The following IL34 variants were observed in gnomAD, a reference collection of about 807,000 sequenced individuals.
The protein encoded by IL34 is interleukin 34.
A neutral mutation model predicts 25.3 loss-of-function variants in IL34; 17 were observed. The observed-to-expected ratio is 0.67, with a 90% CI of 0.46 to 1.01. The LOEUF is 1.01. Ranked by LOEUF, IL34 falls within the 50% of genes least tolerant of loss-of-function variation. The probability of loss-of-function intolerance (pLI) is 0.00; values close to 1 mark genes in which losing one functional copy is unlikely to be tolerated. For missense variants in IL34, 368 were observed against 312.9 expected (o/e 1.18, Z -1.33); for synonymous variants, 174 against 140.9 (o/e 1.23, Z -1.66).
chr16:70,624,223 G>C (rs1007778652), intron 1 of IL34, among the ~76,000 whole-genome samples: 6 of 151,908 alleles, frequency 3.9e-5, no homozygotes, highest in African/African-American at 1.5e-4. Flanking sequence ...TGGCCCAGTG[G>C]CCAGATTTCC....
intron 1 of IL34, among the ~76,000 whole-genome samples, chr16:70,649,156 T>G (rs1315802795): frequency 6.6e-6 from 1 of 152,148 alleles, no homozygotes; most frequent in Non-Finnish European, 1.5e-5. Context: ...TAGGAGAGAA[T>G]TCAAGGCAAG....
intron 1 of IL34, among the ~76,000 whole-genome samples, chr16:70,580,993 C>T (rs1020803768): frequency 2.0e-5 from 3 of 150,984 alleles, no homozygotes; most frequent in African/African-American, 4.9e-5. Flanking sequence ...GTCACTGCAT[C>T]CTCTGCCTCC....
chr16:70,616,063 CT>C (rs1296007015), intron 1 of IL34, among the ~76,000 whole-genome samples: 1 of 152,178 alleles, frequency 6.6e-6, no homozygotes, highest in Non-Finnish European at 1.5e-5. Flanking sequence ...CATTCAGTGT[CT>C]TGCTTGTTTT....
At chr16:70,654,434 G>T in intron 1 of IL34, 104 bp from the exon 2 acceptor site, 2 of 1,440,170 alleles carry the variant, frequency 1.4e-6, no homozygotes, top group Non-Finnish European at 1.9e-6. Context: ...ATTGGTGCTT[G>T]TCTCCTATGC....
chr16:70,619,160 C>T (rs934663772), intron 1 of IL34, among the ~76,000 whole-genome samples: 1 of 152,136 alleles, frequency 6.6e-6, no homozygotes, highest in Non-Finnish European at 1.5e-5. Context: ...CATGCTGTAG[C>T]AGACGAGTGA....
chr16:70,608,618 C>T (rs75887910), intron 1 of IL34, among the ~76,000 whole-genome samples: 3 of 152,266 alleles, frequency 2.0e-5, no homozygotes, highest in African/African-American at 7.2e-5. Flanking sequence ...GGGCTGACCT[C>T]CAGACACTAT....
At chr16:70,649,781 G>C (rs1242216128) in intron 1 of IL34, among the ~76,000 whole-genome samples, 1 of 145,432 alleles carries the variant, frequency 6.9e-6, no homozygotes, top group African/African-American at 2.7e-5. Flanking sequence ...CTGTCTTGCA[G>C]GTTGTTTTAT....
intron 1 of IL34, among the ~76,000 whole-genome samples, chr16:70,636,029 C>CTTTTT (rs112235542): frequency 3.6e-5 from 5 of 139,942 alleles, no homozygotes; most frequent in African/African-American, 1.3e-4. Flanking sequence ...GGGTCTGTAT[C>CTTTTT]TTTTTTTTTT....
intron 1 of IL34, among the ~76,000 whole-genome samples, chr16:70,653,120 C>T (rs541144259): frequency 2.7e-4 from 41 of 151,688 alleles, no homozygotes; most frequent in Non-Finnish European, 5.3e-4. Context: ...GCCTGAGGCA[C>T]GAGAATTGCT....
intron 1 of IL34, among the ~76,000 whole-genome samples, chr16:70,620,797 A>C (rs1209156775): frequency 6.6e-6 from 1 of 152,158 alleles, no homozygotes; most frequent in Non-Finnish European, 1.5e-5. Context: ...TTGTATTGGG[A>C]TCAAGGGGCA....
chr16:70,628,044 T>G (rs2051434545), intron 1 of IL34, among the ~76,000 whole-genome samples: 1 of 152,258 alleles, frequency 6.6e-6, no homozygotes, highest in Non-Finnish European at 1.5e-5. Flanking sequence ...TGTGACAATT[T>G]ACCTTCCTTC....
At chr16:70,620,608 G>A (rs2051260958) in intron 1 of IL34, among the ~76,000 whole-genome samples, 2 of 152,136 alleles carry the variant, frequency 1.3e-5, no homozygotes, top group Admixed American at 1.3e-4. Context: ...AGGGAAAGAA[G>A]GAAGATTTGG....
intron 1 of IL34, among the ~76,000 whole-genome samples, chr16:70,618,310 A>G (rs2051206331): frequency 6.6e-6 from 1 of 151,952 alleles, no homozygotes; most frequent in South Asian, 2.1e-4. Flanking sequence ...TGGATCTGAG[A>G]GATACAGTCA....
intron 1 of IL34, among the ~76,000 whole-genome samples, chr16:70,635,566 G>T (rs1361692562): frequency 1.3e-5 from 2 of 152,168 alleles, no homozygotes; most frequent in Non-Finnish European, 2.9e-5. Context: ...TCCTTCAGCA[G>T]AACATCGGCA....
rs192159667 is a variant in IL34 at position 70,651,679 on chromosome 16, G to T, written c.29-2859G>T. On this transcript the variant is annotated intron_variant, in intron 1 of 5. Transcript: ENST00000288098. Reference sequence around the variant, plus strand: ...GGACAAAGTCTTCCAAGATGCTGGGGAGTGGGGAAAATCCAATCAGTAATT... The same window carrying T: ...GGACAAAGTCTTCCAAGATGCTGGGTAGTGGGGAAAATCCAATCAGTAATT... Among the ~76,000 whole-genome samples, 9 of 152,200 alleles carry T rather than the reference G, an allele frequency of 5.9e-5. No individual in the cohort carries two copies. In the East Asian group the frequency reaches 1.5e-3, roughly 26 times the overall value.
intron 1 of IL34, among the ~76,000 whole-genome samples, chr16:70,625,315 C>T (rs113869706): frequency 1.3e-3 from 200 of 151,790 alleles, no homozygotes; most frequent in Middle Eastern, 0.01. Flanking sequence ...GGGTTCTTAC[C>T]CTCCAGAAAA....
chr16:70,612,635 C>A (rs1373102491), intron 1 of IL34, among the ~76,000 whole-genome samples: 2 of 152,234 alleles, frequency 1.3e-5, no homozygotes, highest in African/African-American at 4.8e-5. Flanking sequence ...CCACATCAAT[C>A]TCTAATTGAA....
At chr16:70,628,659 G>T (rs1032670085) in intron 1 of IL34, among the ~76,000 whole-genome samples, 1 of 151,360 alleles carries the variant, frequency 6.6e-6, no homozygotes, top group African/African-American at 2.4e-5. Flanking sequence ...GCTAATTTTT[G>T]TATTTTTAGT....
At chr16:70,620,035 G>A (rs1429371026) in intron 1 of IL34, among the ~76,000 whole-genome samples, 2 of 152,042 alleles carry the variant, frequency 1.3e-5, no homozygotes, top group African/African-American at 2.4e-5. Context: ...TCACAGTGGA[G>A]GCAAGGAATT....
Sources: allele counts gnomAD v4.1 joint callset (sites outside exome capture counted in the v4.1 genomes callset), GRCh38; gene constraint gnomAD v4.1.1; transcripts MANE v1.5; gene names NCBI Gene and HGNC (gene_info 2026-07-23, HGNC 2026-07-21).